Variants in PCYT1A observed in about 807,000 individuals in gnomAD.
PCYT1A encodes phosphate cytidylyltransferase 1A, choline.
A neutral mutation model predicts 43.7 loss-of-function variants in PCYT1A; 25 were observed. The observed-to-expected ratio is 0.57, with a 90% CI of 0.42 to 0.80. The LOEUF is 0.80. Ranked by LOEUF, PCYT1A falls within the 30% of genes least tolerant of loss-of-function variation. The pLI, the probability that PCYT1A is intolerant of heterozygous loss-of-function variation, is 0.00. For synonymous variants in PCYT1A, 172 were observed against 170.7 expected (o/e 1.01, Z -0.06); for missense variants, 421 against 474.2 (o/e 0.89, Z 1.04).
Position 196,236,502 on chromosome 3 carries a change from G to A in PCYT1A, c.*2186C>T, listed in dbSNP as rs1461254157. 6.6e-6 allele frequency: 1 copy of A among 151,688 alleles called. No individual in the cohort carries two copies. The highest frequency in any genetic ancestry group is 1.5e-5 in the Non-Finnish European group (1 of 68,054). 9.4% of individuals were successfully genotyped at this position (151,688 alleles called of 1,614,324 possible). ...CCAAAGCTTGTATGACCAGATTTAA[G>A]AGTAAGAACTGCGCTTCAAAGAAGA... On this transcript the variant is annotated 3_prime_UTR_variant, in exon 9 of 9. Transcript: ENST00000431016.
chr3:196,284,367 A>C (rs1427230435), intron 1 of PCYT1A, among the ~76,000 whole-genome samples: 1 of 152,214 alleles, frequency 6.6e-6, no homozygotes, highest in East Asian at 1.9e-4. Context: ...TTATAAATGG[A>C]GTCAGATGGT....
chr3:196,266,648 G>A (rs1321251579), intron 2 of PCYT1A, among the ~76,000 whole-genome samples: 10 of 152,222 alleles, frequency 6.6e-5, no homozygotes, highest in Non-Finnish European at 1.5e-5. Flanking sequence ...CCAGCACTTC[G>A]GGAGGTTGAG....
intron 3 of PCYT1A, among the ~76,000 whole-genome samples, chr3:196,250,920 G>A (rs547258470): frequency 6.6e-6 from 1 of 151,766 alleles, no homozygotes; most frequent in East Asian, 2.0e-4. Flanking sequence ...ACCATGCTGA[G>A]GCTGAGGACC....
chr3:196,261,505 A>G (rs944974304), intron 2 of PCYT1A, among the ~76,000 whole-genome samples: 3 of 152,100 alleles, frequency 2.0e-5, no homozygotes, highest in African/African-American at 7.2e-5. Context: ...AAATACAAAA[A>G]TTAGCCAGGC....
rs770656499 is a variant in PCYT1A, at chr3:196,257,794, T to A, written c.211A>T (p.Thr71Ser). Residue 71 changes from threonine (T) to serine (S), a missense_variant, in exon 3 of 9, where the codon ACT (threonine) becomes TCT (serine). Thr to Ser is a moderately conservative substitution (Grantham distance 58). Transcript: ENST00000431016. ...RVTMEEASRG[T>S]PCERPVRVYA... ...TAAGAAGGTATTTACTTACAAGGAGTTCCTCTGCTGGCTTCTTCCATAGTT... is the reference window on the plus strand; with the variant it reads ...TAAGAAGGTATTTACTTACAAGGAGATCCTCTGCTGGCTTCTTCCATAGTT... The A allele has an allele frequency of 3.8e-6, 6 of 1,580,752 alleles. No homozygotes were observed. Among genetic ancestry groups the A allele is most frequent in the African/African-American group, 1.4e-5 (1 of 74,060 alleles).
chr3:196,274,544 G>A (rs1725533514), intron 1 of PCYT1A, among the ~76,000 whole-genome samples: 1 of 152,182 alleles, frequency 6.6e-6, no homozygotes, highest in South Asian at 2.1e-4. Context: ...TGGGGGTAGG[G>A]GAAACTCTAT....
chr3:196,285,888 C>G (rs1269958636), intron 1 of PCYT1A, among the ~76,000 whole-genome samples: 1 of 152,080 alleles, frequency 6.6e-6, no homozygotes, highest in African/African-American at 2.4e-5. Flanking sequence ...GAGGTCATAT[C>G]TGCCTTCCTA....
rs567543760 is a variant in PCYT1A at position 196,268,576 on chromosome 3, G to A, written c.117+1839C>T. Among the ~76,000 whole-genome samples, 1 of 152,138 alleles carries A rather than the reference G, an allele frequency of 6.6e-6. No individual in the cohort carries two copies. Among genetic ancestry groups the A allele is most frequent in the African/African-American group, 2.4e-5 (1 of 41,500 alleles). ...GAGATAGGAAGACTACTTGAGCTCA[G>A]GAGTTCAAGACCAGCCTGGGCAACA... On this transcript the variant is annotated intron_variant, in intron 2 of 8. Coordinates refer to ENST00000431016, the MANE Select transcript of PCYT1A (RefSeq NM_001312673.2). This position sits in a 1 kb window ranked among gnomAD's most constrained non-coding sequence, Gnocchi z 4.4.
At position 196,273,349 on chromosome 3, in the gene PCYT1A, G is replaced by T. The variant is rs184515426; in HGVS notation, c.-10-2808C>A. On this transcript the variant is annotated intron_variant, in intron 1 of 8. Transcript: ENST00000431016. This position sits in a 1 kb window ranked among gnomAD's most constrained non-coding sequence, Gnocchi z 4.1. ...GGCAAGCAGTGGGGGAGGGGAGGAC[G>T]TGTTTCGGCTCTGTTTGTGTTTCAG... Among the ~76,000 whole-genome samples, 47 of 152,302 alleles carry T rather than the reference G, an allele frequency of 3.1e-4. No homozygotes were observed. The Middle Eastern group carries it at 0.01, about 33-fold the overall frequency.
rs1014015028 is a variant in PCYT1A, at chr3:196,252,751, G to C, written c.218-4428C>G. ...CTCATCTATGAGAGAAAGCAGGCTGGGTACAGTAGCTCACACCTGTAATTC... is the reference window on the plus strand; with the variant it reads ...CTCATCTATGAGAGAAAGCAGGCTGCGTACAGTAGCTCACACCTGTAATTC... On this transcript the variant is annotated intron_variant, in intron 3 of 8. Coordinates refer to ENST00000431016, the MANE Select transcript of PCYT1A (RefSeq NM_001312673.2). The surrounding 1 kb of genome is among the most constrained non-coding windows in gnomAD (Gnocchi z 4.0). Among the ~76,000 whole-genome samples, 4 of 152,030 alleles carry C rather than the reference G, an allele frequency of 2.6e-5. No individual in the cohort carries two copies. The highest frequency in any genetic ancestry group is 9.7e-5 in the African/African-American group (4 of 41,374).
In PCYT1A at chr3:196,241,985, C is replaced by A; in HGVS notation, c.671G>T (p.Gly224Val). Residue 224 changes from glycine to valine, a missense_variant, in exon 7 of 9, where the codon GGC (glycine) becomes GTC (valine). Around this residue, in one of 3 missense-constraint regions of PCYT1A, gnomAD observed 174 missense variants for 270.7 expected, o/e 0.64. Transcript: ENST00000431016. ...DVYARRNLQR[G>V]YTAKELNVSF... Reference sequence around the variant, plus strand: ...GACATTGAGCTCCTTTGCTGTGTAGCCCCTCTGCAGGTTCCGCCTCGCATA... The same window carrying A: ...GACATTGAGCTCCTTTGCTGTGTAGACCCTCTGCAGGTTCCGCCTCGCATA... 1 of 1,614,136 alleles carries A rather than the reference C, an allele frequency of 6.2e-7. No individual in the cohort carries two copies.
chr3:196,238,444 T>G lies in PCYT1A; in HGVS notation c.*244A>C, dbSNP rs1724236345. The G allele has an allele frequency of 3.1e-6, 1 of 327,418 alleles. No individual in the cohort carries two copies. The highest frequency in any genetic ancestry group is 5.5e-6 in the Non-Finnish European group (1 of 180,630). The allele number at this position is 327,418 out of a possible 1,614,324, so 20.3% of individuals were successfully genotyped here. A position where few individuals can be genotyped will look rare whatever the true frequency, so the allele number is the denominator to read the frequency against. On this transcript the variant is annotated 3_prime_UTR_variant, in exon 9 of 9. Transcript: ENST00000431016. ...AACATAAACAGTGAAACAAAGCCCT[T>G]GGGGGGGGGTAAATGGATGCAGAGC...
At chr3:196,274,410 C>A (rs778146820) in intron 1 of PCYT1A, among the ~76,000 whole-genome samples, 15 of 152,228 alleles carry the variant, frequency 9.9e-5, no homozygotes, top group Non-Finnish European at 2.1e-4. Context: ...GCCACCGCTG[C>A]CATCATTTAG....
chr3:196,278,978 C>G (rs1353917836), intron 1 of PCYT1A, among the ~76,000 whole-genome samples: 1 of 107,980 alleles, frequency 9.3e-6, no homozygotes, highest in African/African-American at 3.7e-5. Context: ...AAGACCTCAT[C>G]TCAAAAAAAA....
rs756833711 is a variant in PCYT1A at position 196,242,250 on chromosome 3, C to A, written c.566-160G>T. ...AAGATACTGATATACAGAAGGTAGACCGAATCAAAGGCCAGAGGTAAGGCA... is the reference window on the plus strand; with the variant it reads ...AAGATACTGATATACAGAAGGTAGAACGAATCAAAGGCCAGAGGTAAGGCA... On this transcript the variant is annotated intron_variant, in intron 6 of 8. Transcript: ENST00000431016. The surrounding 1 kb of genome is among the most constrained non-coding windows in gnomAD (Gnocchi z 4.2). 2.1e-5 allele frequency: 15 copies of A among 722,302 alleles called. No homozygotes were observed. Among genetic ancestry groups the A allele is most frequent in the Non-Finnish European group, 3.5e-5 (15 of 431,222 alleles). The allele number at this position is 722,302 out of a possible 1,614,324, so 44.7% of individuals were successfully genotyped here.
rs886542008 is a variant in PCYT1A at position 196,239,553 on chromosome 3, T to C, written c.891A>G (p.Gly297=). Residue 297 remains glycine, a synonymous_variant, in exon 8 of 9, where the codon GGA becomes GGG. Transcript: ENST00000431016. The part of the protein sequence containing the change: ...GSFLEMFGPE[G]ALKHMLKEGK... ...CCAGTGGGAAAGAACATACCAGTGCTCCTTCCGGACCAAACATTTCCAGAA... is the reference window on the plus strand; with the variant it reads ...CCAGTGGGAAAGAACATACCAGTGCCCCTTCCGGACCAAACATTTCCAGAA... 5.0e-6 allele frequency: 8 copies of C among 1,604,468 alleles called. No homozygotes were observed. In the African/African-American group the frequency reaches 6.7e-5, roughly 13 times the overall value.
At chr3:196,265,030 ATTTTATTTTATTTATTATTAT>A (rs1725225735) in intron 2 of PCYT1A, among the ~76,000 whole-genome samples, 1 of 151,524 alleles carries the variant, frequency 6.6e-6, no homozygotes, top group Admixed American at 6.6e-5. Context: ...TTTGTAAGTT[ATTTTATTTTATTTATTATTAT>A]TTTTATTTTA....
chr3:196,272,530 G>A (rs1419220555), intron 1 of PCYT1A, among the ~76,000 whole-genome samples: 3 of 152,128 alleles, frequency 2.0e-5, no homozygotes, highest in Admixed American at 6.6e-5. Context: ...TGTTGGCCAG[G>A]CTGGTCTTGA....
intron 5 of PCYT1A, among the ~76,000 whole-genome samples, chr3:196,246,932 G>A (rs1330908713): frequency 6.0e-5 from 9 of 150,998 alleles, no homozygotes; most frequent in Admixed American, 6.6e-5. Context: ...TGCCAGTGGT[G>A]TAACTTGTGG....
Sources: allele counts gnomAD v4.1 joint callset (sites outside exome capture counted in the v4.1 genomes callset), GRCh38; gene constraint gnomAD v4.1.1; regional missense constraint gnomAD v4.1.1; non-coding constraint Gnocchi (gnomAD v3.1); transcripts MANE v1.5; gene names NCBI Gene and HGNC (gene_info 2026-07-23, HGNC 2026-07-21).